The following SAP130 variants were observed in gnomAD, a reference collection of about 807,000 sequenced individuals.
SAP130 encodes the protein Sin3A associated protein 130.
SAP130 carries 16 observed loss-of-function variants against 103.2 expected under a neutral mutation model. The ratio of observed to expected loss-of-function variants is 0.16; its 90% CI spans 0.10 to 0.24. SAP130 has a LOEUF of 0.24. Among genes scored for constraint, SAP130 ranks in the 10% least tolerant of loss-of-function variants. SAP130 has a pLI of 1.00. For synonymous variants in SAP130, 477 were observed against 497.0 expected (o/e 0.96, Z 0.53); for missense variants, 990 against 1,359.7 (o/e 0.73, Z 4.28).
rs370817025 is a variant in SAP130 at position 127,950,142 on chromosome 2, T to C, written c.2671+18A>G. On this transcript the variant is annotated intron_variant, in intron 17 of 20. Transcript: ENST00000643581. ...TTATTGGGAAGCATCATAACACAAG[T>C]CAGCCTGTGACCATTACCAATATAC... The C allele has an allele frequency of 2.9e-5, 47 of 1,613,816 alleles. No homozygotes were observed. Among genetic ancestry groups the C allele is most frequent in the Non-Finnish European group, 3.9e-5 (46 of 1,179,800 alleles).
At chr2:128,018,922 C>T (rs1684968880) in intron 2 of SAP130, among the ~76,000 whole-genome samples, 1 of 151,916 alleles carries the variant, frequency 6.6e-6, no homozygotes, top group Non-Finnish European at 1.5e-5. Context: ...GTGGTGAAAC[C>T]CCGTCTCTAC....
At chr2:128,024,156 T>G (rs1003081234) in intron 2 of SAP130, among the ~76,000 whole-genome samples, 1 of 152,094 alleles carries the variant, frequency 6.6e-6, no homozygotes, top group African/African-American at 2.4e-5. Context: ...ACTTCAAGTC[T>G]AAAGAGAACT....
chr2:127,978,526 T>C (rs1173131025), intron 14 of SAP130, among the ~76,000 whole-genome samples: 2 of 152,212 alleles, frequency 1.3e-5, no homozygotes, highest in African/African-American at 4.8e-5. Context: ...TGGAGATCAA[T>C]TGTGCTGTGC....
chr2:128,027,167 G>A lies in SAP130; in HGVS notation c.-7+773C>T, dbSNP rs1043408839. The A allele has an allele frequency of 2.4e-6, 3 of 1,276,252 alleles. No individual in the cohort carries two copies. In the African/African-American group the frequency reaches 4.6e-5, roughly 20 times the overall value. The allele number at this position is 1,276,252 out of a possible 1,614,324, so 79.1% of individuals were successfully genotyped here. On this transcript the variant is annotated intron_variant, in intron 1 of 20. Transcript: ENST00000643581. ...GGGGGTGCCGCGGAGGGCCCATCTC[G>A]GCGGCGGCGATGTGCTCGGCGGGCG... is the stretch of plus-strand genomic sequence containing the variant.
chr2:127,971,864 A>C (rs1484038364), intron 15 of SAP130, among the ~76,000 whole-genome samples: 1 of 152,214 alleles, frequency 6.6e-6, no homozygotes, highest in Non-Finnish European at 1.5e-5. Flanking sequence ...TCAGTGTCTT[A>C]AGGAACAGAT....
chr2:128,012,636 T>C (rs1043270639), intron 6 of SAP130, among the ~76,000 whole-genome samples: 3 of 152,088 alleles, frequency 2.0e-5, no homozygotes, highest in African/African-American at 4.8e-5. Context: ...AAAAGCTGAA[T>C]GGCATGGACC....
At chr2:127,981,574 C>T (rs57781791) in intron 14 of SAP130, among the ~76,000 whole-genome samples, 5 of 95,462 alleles carry the variant, frequency 5.2e-5, no homozygotes, top group African/African-American at 8.8e-5. Flanking sequence ...CTCAGCTCCC[C>T]CACCCCGACC....
intron 15 of SAP130, among the ~76,000 whole-genome samples, chr2:127,976,961 C>T (rs966798928): frequency 1.1e-4 from 17 of 151,834 alleles, no homozygotes; most frequent in Admixed American, 7.9e-4. Context: ...CAGAAAAAGA[C>T]GTGGAAAGAT....
intron 15 of SAP130, among the ~76,000 whole-genome samples, chr2:127,962,996 T>C (rs1209152239): frequency 6.9e-6 from 1 of 144,782 alleles, no homozygotes; most frequent in African/African-American, 2.7e-5. Context: ...ATAAATTGTA[T>C]ATAAATGTCT....
At chr2:127,991,622 G>A (rs901048904) in intron 12 of SAP130, among the ~76,000 whole-genome samples, 3 of 152,066 alleles carry the variant, frequency 2.0e-5, no homozygotes, top group African/African-American at 4.8e-5. Context: ...ATGAGCCACC[G>A]CACCTGGCCT....
At chr2:128,002,859 C>T (rs962260024) in intron 7 of SAP130, among the ~76,000 whole-genome samples, 1 of 152,192 alleles carries the variant, frequency 6.6e-6, no homozygotes, top group South Asian at 2.1e-4. Flanking sequence ...TACAGTGGCT[C>T]ACGCTTGTAA....
At chr2:127,975,828 C>T (rs570922018) in intron 15 of SAP130, among the ~76,000 whole-genome samples, 1 of 152,238 alleles carries the variant, frequency 6.6e-6, no homozygotes, top group South Asian at 2.1e-4. Context: ...TCAGAAGTTA[C>T]GCCGGCAAAA....
chr2:127,993,260 A>C lies in SAP130; in HGVS notation c.1404T>G (p.Pro468=). 6.2e-7 allele frequency: 1 copy of C among 1,614,012 alleles called. No individual in the cohort carries two copies. The highest frequency in any genetic ancestry group is 1.1e-5 in the South Asian group (1 of 91,072). The change falls in exon 12 of 21, where the codon CCT becomes CCG. Residue 468 remains proline, a synonymous_variant. Transcript: ENST00000643581. ...TATGTGCCGCCAGTGGGTATGCAGA[A>C]GGGGGGTAAGTTGGCAAAAAATATT... The part of the protein sequence containing the change: ...QFQYFLPTYP[P]SAYPLAAHTY...
rs139559972 is a variant in SAP130, at chr2:128,000,396, C to A, written c.928G>T (p.Ala310Ser). Residue 310 changes from alanine (A) to serine (S), a missense_variant, in exon 8 of 21, where the codon GCC becomes TCC. Around this residue, in one of 6 missense-constraint regions of SAP130, gnomAD observed 336 missense variants for 520.1 expected, o/e 0.65. Coordinates refer to ENST00000643581, the MANE Select transcript of SAP130 (RefSeq NM_001330301.2). ...CTTGTTGTGACATCTCGTGACTGGG[C>A]AGGACGCTGAATACTGATTGCTGCA... ...PSAAISIQRP[A>S]QSRDVTTRIT... The A allele has an allele frequency of 7.2e-5, 117 of 1,614,094 alleles. No homozygotes were observed. In the African/African-American group the frequency reaches 1.3e-3, roughly 18 times the overall value.
chr2:127,971,286 C>CTTT (rs70985494), intron 15 of SAP130, among the ~76,000 whole-genome samples: 1 of 104,338 alleles, frequency 9.6e-6, no homozygotes, highest in African/African-American at 3.4e-5. Context: ...TTTTTCATTT[C>CTTT]TTTTTTTTTT....
intron 3 of SAP130, among the ~76,000 whole-genome samples, chr2:128,017,004 T>A (rs1352690701): frequency 6.6e-6 from 1 of 152,246 alleles, no homozygotes; most frequent in Non-Finnish European, 1.5e-5. Context: ...CTTGGTCCCA[T>A]GGTACTGGGT....
At chr2:127,969,658 AAGGACAGACT>A (rs1343047245) in intron 15 of SAP130, among the ~76,000 whole-genome samples, 11 of 152,298 alleles carry the variant, frequency 7.2e-5, no homozygotes, top group African/African-American at 2.6e-4. Context: ...TGCGGGCTTG[AAGGACAGACT>A]ATTCCATGCC....
At chr2:127,976,281 C>G (rs1297420615) in intron 15 of SAP130, among the ~76,000 whole-genome samples, 1 of 152,234 alleles carries the variant, frequency 6.6e-6, no homozygotes, top group Non-Finnish European at 1.5e-5. Flanking sequence ...TCATACTCTT[C>G]TCAGAGAAGC....
chr2:127,955,471 CCTTT>C lies in SAP130; in HGVS notation c.2064-131_2064-128del. The C allele has an allele frequency of 1.8e-6, 1 of 557,224 alleles. No homozygotes were observed. Among genetic ancestry groups the C allele is most frequent in the South Asian group, 4.2e-5 (1 of 23,732 alleles). The allele number at this position is 557,224 out of a possible 1,614,324, so 34.5% of individuals were successfully genotyped here. A position where few individuals can be genotyped will look rare whatever the true frequency, so the allele number is the denominator to read the frequency against. On this transcript the variant is annotated intron_variant, in intron 15 of 20. Coordinates refer to ENST00000643581, the MANE Select transcript of SAP130 (RefSeq NM_001330301.2). This position sits in a 1 kb window ranked among gnomAD's most constrained non-coding sequence, Gnocchi z 4.9. ...ACACTGCACAATTTATACTCTATTT[CCTTT>C]TTTTAAATTTTTAATTTTAAAAAAA...
Sources: gnomAD v4.1 joint callset for allele counts (sites outside exome capture counted in the v4.1 genomes callset) on GRCh38, gnomAD v4.1.1 for gene constraint, gnomAD v4.1.1 regional missense constraint, Gnocchi (gnomAD v3.1) non-coding constraint, MANE v1.5 for transcripts, NCBI Gene and HGNC (gene_info 2026-07-23, HGNC 2026-07-21) for gene names.